BEST3: variants seen among roughly 807,000 people sequenced by gnomAD.
The protein encoded by BEST3 is bestrophin-3.
Under a neutral mutation model 47.1 loss-of-function variants are expected in BEST3, and 50 were observed. That is an observed-to-expected ratio of 1.06 (90% CI 0.85 to 1.34). The LOEUF (loss-of-function observed/expected upper bound fraction) is 1.34. Among genes scored for constraint, BEST3 ranks in the 40% most tolerant of loss-of-function variants. The pLI is 0.00. For synonymous variants in BEST3, 282 were observed against 298.8 expected, an observed-to-expected ratio of 0.94 and a Z score of 0.58; for missense variants, 765 against 817.0, an observed-to-expected ratio of 0.94 and a Z score of 0.78.
intron 7 of BEST3, among the ~76,000 whole-genome samples, chr12:69,675,294 A>G (rs1565832844): frequency 6.6e-6 from 1 of 150,682 alleles, no homozygotes; most frequent in African/African-American, 2.4e-5. Context: ...AATATTTTGT[A>G]TTTTTTTTGT....
rs201638085 is a variant in BEST3 at position 69,676,911 on chromosome 12, G to A, written c.867+5C>T. On this transcript the variant is annotated splice_donor_5th_base_variant and intron_variant, in intron 7 of 9. Coordinates refer to ENST00000330891, the MANE Select transcript of BEST3 (RefSeq NM_032735.3). Reference sequence around the variant, plus strand: ...ACAAAGTGGGGCCCTGAGACCACTGGCTACCTTAAGCCATCCTGCATAGAA... The same window carrying A: ...ACAAAGTGGGGCCCTGAGACCACTGACTACCTTAAGCCATCCTGCATAGAA... 32 of 1,612,930 alleles carry A rather than the reference G, an allele frequency of 2.0e-5. No individual in the cohort carries two copies. Among genetic ancestry groups the A allele is most frequent in the Middle Eastern group, 1.7e-4 (1 of 5,742 alleles).
At chr12:69,646,358 G>A (rs1012642439) in intron 9 of BEST3, among the ~76,000 whole-genome samples, 1 of 152,196 alleles carries the variant, frequency 6.6e-6, no homozygotes, top group African/African-American at 2.4e-5. Flanking sequence ...ATACTTGATT[G>A]AGATTTTCAG....
At chr12:69,648,511 T>G (rs1883109031) in intron 9 of BEST3, among the ~76,000 whole-genome samples, 1 of 152,172 alleles carries the variant, frequency 6.6e-6, no homozygotes, top group African/African-American at 2.4e-5. Context: ...GGATTGTGGA[T>G]GAAGAAAACA....
chr12:69,654,638 T>G lies in BEST3; in HGVS notation c.*269A>C. On this transcript the variant is annotated 3_prime_UTR_variant, in exon 10 of 10. Coordinates refer to ENST00000330891, the MANE Select transcript of BEST3 (RefSeq NM_032735.3). The stretch of plus-strand genomic sequence containing the variant: ...TCATGTATGTTTTTCAGATTCCTTT[T>G]TTTGGTTAAGACTTATTTGGCTAAA... 1 of 1,178,186 alleles carries G rather than the reference T, an allele frequency of 8.5e-7. No individual in the cohort carries two copies. The highest frequency in any genetic ancestry group is 1.1e-6 in the Non-Finnish European group (1 of 951,466). 73.0% of individuals were successfully genotyped at this position (1,178,186 alleles called of 1,614,324 possible). A position where few individuals can be genotyped will look rare whatever the true frequency, so the allele number is the denominator to read the frequency against.
At chr12:69,649,522 G>A (rs1883144774), downstream of BEST3, among the ~76,000 whole-genome samples, 1 of 152,128 alleles carries the variant, frequency 6.6e-6, no homozygotes, top group African/African-American at 2.4e-5. Flanking sequence ...CCTGTTGCTG[G>A]GCTAATCTGT....
At chr12:69,694,296 C>G in intron 3 of BEST3, 74 bp downstream of exon 3, 1 of 907,072 alleles carries the variant, frequency 1.1e-6, no homozygotes, top group Non-Finnish European at 1.7e-6. Flanking sequence ...TGGAAACACT[C>G]CCATGCAGAG....
At chr12:69,695,391 C>T (rs1451075164) in intron 2 of BEST3, among the ~76,000 whole-genome samples, 2 of 152,054 alleles carry the variant, frequency 1.3e-5, no homozygotes, top group East Asian at 3.8e-4. Context: ...CAGTAAGCAA[C>T]CAATTAGATT....
intron 4 of BEST3, among the ~76,000 whole-genome samples, chr12:69,681,214 T>C (rs1027474263): frequency 6.6e-6 from 1 of 152,216 alleles, no homozygotes; most frequent in Non-Finnish European, 1.5e-5. Context: ...CATTTGCTTA[T>C]GGAATTCTGA....
rs1358548349 is a variant in BEST3 at position 69,654,634 on chromosome 12, C to CT, written c.*272dup. On this transcript the variant is annotated 3_prime_UTR_variant, in exon 10 of 10. Coordinates refer to ENST00000330891, the MANE Select transcript of BEST3 (RefSeq NM_032735.3). ...TAAGTCATGTATGTTTTTCAGATTCCTTTTTTTGGTTAAGACTTATTTGGC... is the reference window on the plus strand; with the variant it reads ...TAAGTCATGTATGTTTTTCAGATTCCTTTTTTTTGGTTAAGACTTATTTGGC... 1.7e-6 allele frequency: 2 copies of CT among 1,167,136 alleles called. No individual in the cohort carries two copies. Among genetic ancestry groups the CT allele is most frequent in the African/African-American group, 1.6e-5 (1 of 63,766 alleles). 72.3% of individuals were successfully genotyped at this position (1,167,136 alleles called of 1,614,324 possible).
chr12:69,654,670 T>C lies in BEST3; in HGVS notation c.*237A>G. On this transcript the variant is annotated 3_prime_UTR_variant, in exon 10 of 10. Coordinates refer to ENST00000330891, the MANE Select transcript of BEST3 (RefSeq NM_032735.3). ...TAAGACTTATTTGGCTAAATCACTG[T>C]GGTCTGTGTAACTTCTGATGAAAGC... 7.9e-7 allele frequency: 1 copy of C among 1,265,980 alleles called. No individual in the cohort carries two copies. Among genetic ancestry groups the C allele is most frequent in the Non-Finnish European group, 1.0e-6 (1 of 1,004,808 alleles). 78.4% of individuals were successfully genotyped at this position (1,265,980 alleles called of 1,614,324 possible). A position where few individuals can be genotyped will look rare whatever the true frequency, so the allele number is the denominator to read the frequency against.
At chr12:69,676,114 G>A (rs984214765) in intron 7 of BEST3, among the ~76,000 whole-genome samples, 15 of 152,110 alleles carry the variant, frequency 9.9e-5, no homozygotes, top group African/African-American at 2.9e-4. Flanking sequence ...GGGGAAGCAA[G>A]GAAAATTCTA....
intron 8 of BEST3, 76 bp from the exon 9 acceptor site, chr12:69,671,655 A>G (rs1593158951): frequency 7.2e-7 from 1 of 1,394,404 alleles, no homozygotes; most frequent in East Asian, 2.3e-5. Context: ...TGGGCAGATG[A>G]GAGTTAGATT....
chr12:69,659,091 G>A (rs1883707155), intron 9 of BEST3, among the ~76,000 whole-genome samples: 2 of 152,160 alleles, frequency 1.3e-5, no homozygotes, highest in Non-Finnish European at 2.9e-5. Flanking sequence ...TTAGAAGCAC[G>A]CTTGGTGATC....
At chr12:69,687,583 G>C (rs1278508294) in intron 4 of BEST3, 1 of 150,498 alleles carries the variant, frequency 6.6e-6, no homozygotes, top group Non-Finnish European at 1.5e-5. Flanking sequence ...AGGATGGCTT[G>C]AGCCCAGAAG....
At chr12:69,676,666 A>G (rs1884939913) in intron 7 of BEST3, among the ~76,000 whole-genome samples, 1 of 152,250 alleles carries the variant, frequency 6.6e-6, no homozygotes, top group South Asian at 2.1e-4. Flanking sequence ...GGGAACACAC[A>G]GAGACTTAAA....
rs1420162562 is a variant in BEST3, at chr12:69,699,228, C to T, written c.-39G>A. On this transcript the variant is annotated 5_prime_UTR_variant, in exon 1 of 10. Coordinates refer to ENST00000330891, the MANE Select transcript of BEST3 (RefSeq NM_032735.3). ...ACCTATTTATTTGGTTTGTAGTCTC[C>T]GACAGGAAAGAGAATCTTCAAATTT... 5.0e-5 allele frequency: 49 copies of T among 985,204 alleles called. No homozygotes were observed. The highest frequency in any genetic ancestry group is 1.2e-4 in the Admixed American group (2 of 16,246). The allele number at this position is 985,204 out of a possible 1,614,324, so 61.0% of individuals were successfully genotyped here.
At chr12:69,692,463 A>G (rs1885961049) in intron 4 of BEST3, among the ~76,000 whole-genome samples, 1 of 152,222 alleles carries the variant, frequency 6.6e-6, no homozygotes, top group African/African-American at 2.4e-5. Context: ...TTTGAGGCAC[A>G]AGAGACAAGA....
At chr12:69,664,416 G>A (rs1884058607) in intron 9 of BEST3, among the ~76,000 whole-genome samples, 1 of 152,028 alleles carries the variant, frequency 6.6e-6, no homozygotes, top group Non-Finnish European at 1.5e-5. Flanking sequence ...CTGTAGCTCA[G>A]GCACTGGGAC....
chr12:69,648,868 A>G (rs1201661387), downstream of BEST3, among the ~76,000 whole-genome samples: 1 of 152,232 alleles, frequency 6.6e-6, no homozygotes, highest in Non-Finnish European at 1.5e-5. Flanking sequence ...ATAAAGTACC[A>G]AATTACATGT....
Sources: allele counts gnomAD v4.1 joint callset (sites outside exome capture counted in the v4.1 genomes callset), GRCh38; gene constraint gnomAD v4.1.1; transcripts MANE v1.5; gene names NCBI Gene and HGNC (gene_info 2026-07-23, HGNC 2026-07-21).